PLEKHA2: variants seen among roughly 807,000 people sequenced by gnomAD.
PLEKHA2 encodes the protein pleckstrin homology domain-containing family A member 2.
PLEKHA2 carries 28 observed loss-of-function variants against 53.2 expected under a neutral mutation model. The observed-to-expected ratio is 0.53, with a 90% CI of 0.39 to 0.72. The LOEUF (loss-of-function observed/expected upper bound fraction) is 0.72, where lower values mean the gene tolerates loss of function less well. PLEKHA2 is among the 30% of genes least tolerant of loss of function. The pLI is 0.00. For missense variants in PLEKHA2, 426 were observed against 537.9 expected (o/e 0.79, Z 2.06); for synonymous variants, 193 against 196.4 (o/e 0.98, Z 0.14).
At chr8:38,905,685 CT>C (rs5891048) in intron 1 of PLEKHA2, among the ~76,000 whole-genome samples, 177 of 117,598 alleles carry the variant, frequency 1.5e-3, no homozygotes, top group African/African-American at 4.7e-3. Context: ...TGTGTTTTTG[CT>C]TTTTTTTTTT....
At chr8:38,936,128 C>A in intron 3 of PLEKHA2, 78 bp downstream of exon 3, 1 of 1,465,318 alleles carries the variant, frequency 6.8e-7, no homozygotes, top group Non-Finnish European at 9.5e-7. Flanking sequence ...GTGTCCAGTC[C>A]TTTGGGCATT....
intron 3 of PLEKHA2, among the ~76,000 whole-genome samples, chr8:38,940,603 A>T: frequency 8.0e-6 from 1 of 125,094 alleles, no homozygotes; most frequent in East Asian, 2.6e-4. Context: ...ATTAACACTC[A>T]GGTGTAAGCA....
Position 38,952,151 on chromosome 8 carries a change from A to G in PLEKHA2, c.487-15A>G, listed in dbSNP as rs774880585. 2 of 1,610,368 alleles carry G rather than the reference A, an allele frequency of 1.2e-6. No homozygotes were observed. Among genetic ancestry groups the G allele is most frequent in the South Asian group, 2.2e-5 (2 of 90,244 alleles). On this transcript the variant is annotated splice_polypyrimidine_tract_variant and intron_variant, in intron 6 of 11. Coordinates refer to ENST00000617275, the MANE Select transcript of PLEKHA2 (RefSeq NM_021623.2). ...GAGGGAGGGAGGCGCTGATACTGAC[A>G]CTGTTTCCTTGCAGAACGGTGGGGA...
In PLEKHA2 at chr8:38,952,415, G is replaced by C. The variant is rs555852608; in HGVS notation, c.633+103G>C. Reference sequence around the variant, plus strand: ...GAGGGGATTGACAGGAGGTGCCTCAGTCCTCCATGGAGCCTCCACCTTTGA... The same window carrying C: ...GAGGGGATTGACAGGAGGTGCCTCACTCCTCCATGGAGCCTCCACCTTTGA... On this transcript the variant is annotated intron_variant, in intron 7 of 11. Coordinates refer to ENST00000617275, the MANE Select transcript of PLEKHA2 (RefSeq NM_021623.2). 8.0e-5 allele frequency: 118 copies of C among 1,480,834 alleles called. 2 individuals carry two copies. In the African/African-American group the frequency reaches 1.3e-3, roughly 16 times the overall value. The allele number at this position is 1,480,834 out of a possible 1,614,324, so 91.7% of individuals were successfully genotyped here.
chr8:38,935,868 A>G lies in PLEKHA2; in HGVS notation c.142-126A>G, dbSNP rs1834484977. 5 of 810,278 alleles carry G rather than the reference A, an allele frequency of 6.2e-6. No individual in the cohort carries two copies. The South Asian group carries it at 7.0e-5, about 11-fold the overall frequency. 50.2% of individuals were successfully genotyped at this position (810,278 alleles called of 1,614,324 possible). Reference sequence around the variant, plus strand: ...TTTCACAGGTGAGGAATGCAAGTTAAAGAATGGTTGAGTAACTTGCTCAGT... The same window carrying G: ...TTTCACAGGTGAGGAATGCAAGTTAGAGAATGGTTGAGTAACTTGCTCAGT... On this transcript the variant is annotated intron_variant, in intron 2 of 11. Coordinates refer to ENST00000617275, the MANE Select transcript of PLEKHA2 (RefSeq NM_021623.2).
At chr8:38,948,890 A>G (rs916518736) in intron 5 of PLEKHA2, among the ~76,000 whole-genome samples, 1 of 152,114 alleles carries the variant, frequency 6.6e-6, no homozygotes, top group African/African-American at 2.4e-5. Flanking sequence ...TTTTGTTTTG[A>G]AACGGAGTCT....
intron 9 of PLEKHA2, among the ~76,000 whole-genome samples, chr8:38,955,617 C>T (rs1050961057): frequency 6.6e-6 from 1 of 152,186 alleles, no homozygotes; most frequent in Non-Finnish European, 1.5e-5. Context: ...GTCTATCTGG[C>T]CCCTATCCTG....
chr8:38,956,854 C>G (rs932150008), intron 9 of PLEKHA2, among the ~76,000 whole-genome samples: 3 of 152,158 alleles, frequency 2.0e-5, no homozygotes, highest in African/African-American at 7.2e-5. Flanking sequence ...TCTGGGTTTC[C>G]TCATCTGTAA....
chr8:38,911,362 G>A (rs899298454), intron 1 of PLEKHA2, among the ~76,000 whole-genome samples: 1 of 152,010 alleles, frequency 6.6e-6, no homozygotes, highest in South Asian at 2.1e-4. Flanking sequence ...TTAGTCTCCC[G>A]AATAGCTGGG....
At chr8:38,930,651 TGGCATGGCATGGCAC>T (rs909614764) in intron 2 of PLEKHA2, among the ~76,000 whole-genome samples, 3 of 43,486 alleles carry the variant, frequency 6.9e-5, no homozygotes, top group African/African-American at 2.1e-4. Context: ...CCCCACGGCA[TGGCATGGCATGGCAC>T]GGCATGGCAC....
chr8:38,952,315 G>A lies in PLEKHA2; in HGVS notation c.633+3G>A. 6.2e-7 allele frequency: 1 copy of A among 1,612,172 alleles called. No homozygotes were observed. The highest frequency in any genetic ancestry group is 8.5e-7 in the Non-Finnish European group (1 of 1,179,218). On this transcript the variant is annotated splice_donor_region_variant and intron_variant, in intron 7 of 11. Coordinates refer to ENST00000617275, the MANE Select transcript of PLEKHA2 (RefSeq NM_021623.2). ...ACTGCGTGAAGCAAGGGAATGTGGT[G>A]AGTGTCAGCACAGGGGCTGAATTGG...
At chr8:38,912,580 GAGA>G (rs916122531) in intron 1 of PLEKHA2, among the ~76,000 whole-genome samples, 87 of 152,330 alleles carry the variant, frequency 5.7e-4, no homozygotes, top group African/African-American at 2.0e-3. Context: ...GGAAGAGCCA[GAGA>G]AGATTTGGAA....
chr8:38,943,396 G>A (rs754762912), intron 3 of PLEKHA2, among the ~76,000 whole-genome samples: 2 of 152,098 alleles, frequency 1.3e-5, no homozygotes, highest in African/African-American at 4.8e-5. Context: ...GGAGACTGGA[G>A]GATCACTTGA....
At chr8:38,902,827 GCTGGAC>G (rs1013421354) in intron 1 of PLEKHA2, among the ~76,000 whole-genome samples, 1 of 152,118 alleles carries the variant, frequency 6.6e-6, no homozygotes, top group African/African-American at 2.4e-5. Flanking sequence ...CCTCTGGAGG[GCTGGAC>G]CCTGTCTTTG....
intron 3 of PLEKHA2, among the ~76,000 whole-genome samples, chr8:38,940,659 G>GT (rs891212343): frequency 1.0e-5 from 1 of 100,472 alleles, no homozygotes; most frequent in African/African-American, 3.8e-5. Flanking sequence ...GCGGGGGGGG[G>GT]GGGTCAGAAA....
intron 3 of PLEKHA2, among the ~76,000 whole-genome samples, chr8:38,937,893 G>A (rs539549857): frequency 2.0e-5 from 3 of 152,192 alleles, no homozygotes; most frequent in Non-Finnish European, 2.9e-5. Flanking sequence ...CTGGCCAGAG[G>A]GCTGCGTGTG....
rs1023019902 is a variant in PLEKHA2, at chr8:38,921,488, C to T, written c.141+3418C>T. On this transcript the variant is annotated intron_variant, in intron 2 of 11. Coordinates refer to ENST00000617275, the MANE Select transcript of PLEKHA2 (RefSeq NM_021623.2). ...TCACCCAGGACCACAGTGGCACCAT[C>T]TTGGAACTTGAATATTGACGGTTGT... 2.6e-5 allele frequency among the ~76,000 whole-genome samples: 4 copies of T among 152,306 alleles called. No individual in the cohort carries two copies. In the East Asian group the frequency reaches 5.8e-4, roughly 22 times the overall value.
At position 38,946,134 on chromosome 8, in the gene PLEKHA2, C is replaced by A. The variant is rs1441713826; in HGVS notation, c.258C>A (p.Ala86=). 1.2e-6 allele frequency: 2 copies of A among 1,605,456 alleles called. No homozygotes were observed. Among genetic ancestry groups the A allele is most frequent in the Non-Finnish European group, 1.7e-6 (2 of 1,175,756 alleles). The change falls in exon 5 of 12, where the codon GCC becomes GCA. Residue 86 remains alanine, a synonymous_variant. Transcript: ENST00000617275. ...PKTPFCFVIN[A]LSQRYFLQAN... ...CTGTGGCTTTTGTAGTTATCAATGC[C>A]CTGTCTCAGAGATATTTCCTTCAAG...
intron 2 of PLEKHA2, among the ~76,000 whole-genome samples, chr8:38,920,925 C>T (rs960129268): frequency 6.6e-5 from 10 of 152,034 alleles, no homozygotes; most frequent in African/African-American, 1.7e-4. Context: ...CTCAGCCTCC[C>T]GAGTAGCTGG....
Sources: gnomAD v4.1 joint callset for allele counts (sites outside exome capture counted in the v4.1 genomes callset) on GRCh38, gnomAD v4.1.1 for gene constraint, MANE v1.5 for transcripts, NCBI Gene and HGNC (gene_info 2026-07-23, HGNC 2026-07-21) for gene names.